The following TUBB2A variants were observed in gnomAD, a reference collection of about 807,000 sequenced individuals.
The protein encoded by TUBB2A is tubulin beta-2A chain.
In TUBB2A, 7 loss-of-function variants were observed where a neutral mutation model predicts 33.9. The observed-to-expected ratio is 0.21, with a 90% CI of 0.12 to 0.39. TUBB2A has a LOEUF of 0.39. Ranked by LOEUF, TUBB2A falls within the 10% of genes least tolerant of loss-of-function variation. TUBB2A has a pLI of 1.00. For missense variants in TUBB2A, 80 were observed against 593.4 expected (o/e 0.13, Z 8.99); for synonymous variants, 187 against 247.6 (o/e 0.76, Z 2.30).
Position 3,157,120 on chromosome 6 carries a change from C to G in TUBB2A, c.57+287G>C, listed in dbSNP as rs909961. ...AGCTAGCGCAATAAATATGACCGTA[C>G]CCCCGACCCAAGTTTCTGAGACAAA... is the stretch of plus-strand genomic sequence containing the variant. On this transcript the variant is annotated intron_variant, in intron 1 of 3. Coordinates refer to ENST00000333628, the MANE Select transcript of TUBB2A (RefSeq NM_001069.3). Among the ~76,000 whole-genome samples, 96,105 of 152,198 alleles carry G rather than the reference C, an allele frequency of 0.63. 31,685 individuals are homozygous for G. Among genetic ancestry groups the G allele is most frequent in the Non-Finnish European group, 0.74 (50,562 of 68,002 alleles).
chr6:3,157,170 G>A (rs1367579522), intron 1 of TUBB2A, among the ~76,000 whole-genome samples: 1 of 152,264 alleles, frequency 6.6e-6, no homozygotes, highest in African/African-American at 2.4e-5. Flanking sequence ...TGCCAACCGC[G>A]TCCCGCAGAA....
chr6:3,156,315 C>G (rs183595479), intron 1 of TUBB2A, 163 bp from the exon 2 acceptor site: 26 of 1,498,898 alleles, frequency 1.7e-5, no homozygotes, highest in Non-Finnish European at 2.2e-5. Flanking sequence ...CTGCAGCAGC[C>G]GCTGCTGAGG....
intron 1 of TUBB2A, 101 bp downstream of exon 1, chr6:3,157,306 C>T: frequency 8.1e-7 from 1 of 1,231,582 alleles, no homozygotes; most frequent in African/African-American, 1.6e-5. Flanking sequence ...CGGAATGTGC[C>T]ACCCGGCCAG....
chr6:3,156,724 ATCGT>A (rs1762641220), intron 1 of TUBB2A, among the ~76,000 whole-genome samples: 1 of 152,240 alleles, frequency 6.6e-6, no homozygotes, highest in Non-Finnish European at 1.5e-5. Flanking sequence ...GGAGCTGGCC[ATCGT>A]GAGGGCGCTG....
chr6:3,156,299 T>C (rs1263440627), intron 1 of TUBB2A, 147 bp from the exon 2 acceptor site: 28 of 1,461,336 alleles, frequency 1.9e-5, no homozygotes, highest in Non-Finnish European at 2.6e-5. Flanking sequence ...CTGCACCCCC[T>C]ATTTCCTGCA....
intron 1 of TUBB2A, 26 bp downstream of exon 1, chr6:3,157,381 G>C (rs1413225741): frequency 2.0e-6 from 3 of 1,501,656 alleles, no homozygotes; most frequent in Admixed American, 2.1e-5. Context: ...TCCCAACCCC[G>C]GGCCCCTCCG....
chr6:3,155,768 C>A lies in TUBB2A; in HGVS notation c.167-33G>T, dbSNP rs753446830. On this transcript the variant is annotated intron_variant, in intron 2 of 3. Transcript: ENST00000333628. This position sits in a 1 kb window ranked among gnomAD's most constrained non-coding sequence, Gnocchi z 4.2. ...AAATAAGAACTGACTCAGGCCTGTG[C>A]TTGGGGAGGGACTCACAGCAGCATT... 1.1e-5 allele frequency: 17 copies of A among 1,554,394 alleles called. No individual in the cohort carries two copies. The highest frequency in any genetic ancestry group is 2.7e-5 in the African/African-American group (2 of 73,648).
At position 3,153,740 on chromosome 6, in the gene TUBB2A, C is replaced by A; in HGVS notation, c.*123G>T. The A allele has an allele frequency of 7.0e-7, 1 of 1,431,128 alleles. No individual in the cohort carries two copies. The allele number at this position is 1,431,128 out of a possible 1,614,324, so 88.7% of individuals were successfully genotyped here. On this transcript the variant is annotated 3_prime_UTR_variant, in exon 4 of 4. Coordinates refer to ENST00000333628, the MANE Select transcript of TUBB2A (RefSeq NM_001069.3). ...TGTAATTTTTAGAGGAGTTCCACAT[C>A]ATTACATCAACAGTGTGAATTTCTA...
At position 3,153,678 on chromosome 6, in the gene TUBB2A, GCT is replaced by G; in HGVS notation, c.*183_*184del. On this transcript the variant is annotated 3_prime_UTR_variant, in exon 4 of 4. Transcript: ENST00000333628. ...ACAGACCACAAGGTTTTCTACACAT[GCT>G]TTTTTATTAGTATAGATACCTTCAC... 1.1e-6 allele frequency: 1 copy of G among 951,542 alleles called. No homozygotes were observed. The allele number at this position is 951,542 out of a possible 1,614,324, so 58.9% of individuals were successfully genotyped here.
At chr6:3,157,125 G>C (rs567419705) in intron 1 of TUBB2A, among the ~76,000 whole-genome samples, 2 of 152,222 alleles carry the variant, frequency 1.3e-5, no homozygotes, top group African/African-American at 4.8e-5. Context: ...CCGTACCCCC[G>C]ACCCAAGTTT....
chr6:3,153,726 G>T lies in TUBB2A; in HGVS notation c.*137C>A. On this transcript the variant is annotated 3_prime_UTR_variant, in exon 4 of 4. Transcript: ENST00000333628. Reference sequence around the variant, plus strand: ...TTCACAGACAATACTGTAATTTTTAGAGGAGTTCCACATCATTACATCAAC... The same window carrying T: ...TTCACAGACAATACTGTAATTTTTATAGGAGTTCCACATCATTACATCAAC... 7.5e-7 allele frequency: 1 copy of T among 1,335,142 alleles called. No individual in the cohort carries two copies. Among genetic ancestry groups the T allele is most frequent in the Non-Finnish European group, 1.0e-6 (1 of 976,564 alleles). 82.7% of individuals were successfully genotyped at this position (1,335,142 alleles called of 1,614,324 possible).
rs1443565716 is a variant in TUBB2A, at chr6:3,154,811, G to C, written c.390C>G (p.Leu130=). 6.2e-7 allele frequency: 1 copy of C among 1,611,354 alleles called. No homozygotes were observed. The highest frequency in any genetic ancestry group is 8.5e-7 in the Non-Finnish European group (1 of 1,178,630). Residue 130 remains leucine (L), a synonymous_variant, in exon 4 of 4, where the codon CTC becomes CTG. Transcript: ENST00000333628. The part of the protein sequence containing the change: ...VRKESESCDC[L]QGFQLTHSLG... The stretch of plus-strand genomic sequence containing the variant: ...GAGAGTGGGTCAGCTGGAAGCCCTG[G>C]AGACAGTCACAGCTCTCTGACTCCT...
rs1246362968 is a variant in TUBB2A, at chr6:3,155,792, T to C, written c.167-57A>G. 8.9e-6 allele frequency: 13 copies of C among 1,464,378 alleles called. No individual in the cohort carries two copies. The highest frequency in any genetic ancestry group is 1.1e-5 in the Non-Finnish European group (12 of 1,056,730). The allele number at this position is 1,464,378 out of a possible 1,614,324, so 90.7% of individuals were successfully genotyped here. On this transcript the variant is annotated intron_variant, in intron 2 of 3. Transcript: ENST00000333628. This position sits in a 1 kb window ranked among gnomAD's most constrained non-coding sequence, Gnocchi z 4.2. ...GCTTGGGGAGGGACTCACAGCAGCA[T>C]TCAATTCCAGCATCTGAGACAAAAG...
At position 3,155,764 on chromosome 6, in the gene TUBB2A, T is replaced by C; in HGVS notation, c.167-29A>G. ...CAGGAAATAAGAACTGACTCAGGCC[T>C]GTGCTTGGGGAGGGACTCACAGCAG... is the stretch of plus-strand genomic sequence containing the variant. On this transcript the variant is annotated intron_variant, in intron 2 of 3. Transcript: ENST00000333628. This position sits in a 1 kb window ranked among gnomAD's most constrained non-coding sequence, Gnocchi z 4.2. The C allele has an allele frequency of 6.4e-7, 1 of 1,571,190 alleles. No individual in the cohort carries two copies. The highest frequency in any genetic ancestry group is 2.2e-5 in the East Asian group (1 of 44,636).
In TUBB2A at chr6:3,154,733, C is replaced by A; in HGVS notation, c.468G>T (p.Arg156=). 1 of 1,611,182 alleles carries A rather than the reference C, an allele frequency of 6.2e-7. No individual in the cohort carries two copies. Among genetic ancestry groups the A allele is most frequent in the Non-Finnish European group, 8.5e-7 (1 of 1,178,476 alleles). The change falls in exon 4 of 4, where the codon CGG becomes CGT. Residue 156 remains arginine, a synonymous_variant. Transcript: ENST00000333628. ...TCATGATGCGGTCTGGGTACTCTTC[C>A]CGGATCTTGCTGATGAGCAGGGTGC... The part of the protein sequence containing the change: ...GMGTLLISKI[R]EEYPDRIMNT...
chr6:3,157,063 T>C (rs972257003), intron 1 of TUBB2A, among the ~76,000 whole-genome samples: 1 of 152,206 alleles, frequency 6.6e-6, no homozygotes, highest in African/African-American at 2.4e-5. Flanking sequence ...ATTCAAACCG[T>C]AGAGAAAAAT....
chr6:3,154,838 C>G lies in TUBB2A; in HGVS notation c.363G>C (p.Arg121Ser). ...ELVDSVLDVV[R>S]KESESCDCLQ... ...GACAGTCACAGCTCTCTGACTCCTTCCTCACCACATCCAGGACCGAGTCGA... is the reference window on the plus strand; with the variant it reads ...GACAGTCACAGCTCTCTGACTCCTTGCTCACCACATCCAGGACCGAGTCGA... The change falls in exon 4 of 4, where the codon AGG becomes AGC. Residue 121 changes from arginine to serine, a missense_variant. Coordinates refer to ENST00000333628, the MANE Select transcript of TUBB2A (RefSeq NM_001069.3). The G allele has an allele frequency of 6.2e-7, 1 of 1,612,842 alleles. No individual in the cohort carries two copies. The highest frequency in any genetic ancestry group is 8.5e-7 in the Non-Finnish European group (1 of 1,179,584).
At position 3,155,540 on chromosome 6, in the gene TUBB2A, A is replaced by C; in HGVS notation, c.277+85T>G. On this transcript the variant is annotated intron_variant, in intron 3 of 3. Coordinates refer to ENST00000333628, the MANE Select transcript of TUBB2A (RefSeq NM_001069.3). The surrounding 1 kb of genome is among the most constrained non-coding windows in gnomAD (Gnocchi z 4.2). ...GCCGTGGACACAGTGTCACCTTGGC[A>C]CTGAACACTAAGAACTGTGCTTTGC... 4 of 1,076,544 alleles carry C rather than the reference A, an allele frequency of 3.7e-6. No individual in the cohort carries two copies. The highest frequency in any genetic ancestry group is 4.1e-6 in the Non-Finnish European group (3 of 730,272). The allele number at this position is 1,076,544 out of a possible 1,614,324, so 66.7% of individuals were successfully genotyped here.
At chr6:3,154,958 C>T (rs761866686) in intron 3 of TUBB2A, 35 bp from the exon 4 acceptor site, 27 of 1,613,386 alleles carry the variant, frequency 1.7e-5, no homozygotes, top group Admixed American at 3.3e-5. Flanking sequence ...GACACTAAAA[C>T]ATAAGGAATT....
Sources: allele counts gnomAD v4.1 joint callset (sites outside exome capture counted in the v4.1 genomes callset), GRCh38; gene constraint gnomAD v4.1.1; non-coding constraint Gnocchi (gnomAD v3.1); transcripts MANE v1.5; gene names NCBI Gene and HGNC (gene_info 2026-07-23, HGNC 2026-07-21).